Variants in ZRANB3 observed in about 807,000 individuals in gnomAD.
ZRANB3 encodes the protein DNA annealing helicase and endonuclease ZRANB3.
ZRANB3 carries 125 observed loss-of-function variants against 133.8 expected under a neutral mutation model. That is an observed-to-expected ratio of 0.93 (90% CI 0.81 to 1.08). ZRANB3 has a LOEUF of 1.08. Ranked by LOEUF, ZRANB3 falls within the 50% of genes least tolerant of loss-of-function variation. The pLI, the probability that ZRANB3 is intolerant of heterozygous loss-of-function variation, is 0.00. For synonymous variants in ZRANB3, 387 were observed against 432.7 expected (o/e 0.89, Z 1.31); for missense variants, 1,229 against 1,275.5 (o/e 0.96, Z 0.56).
intron 8 of ZRANB3, among the ~76,000 whole-genome samples, chr2:135,289,361 T>C (rs548222827): frequency 6.6e-6 from 1 of 152,258 alleles, no homozygotes; most frequent in East Asian, 1.9e-4. Context: ...GTTCAAGTGA[T>C]TCTCCTGCCT....
chr2:135,303,059 C>T (rs532803103), intron 8 of ZRANB3, among the ~76,000 whole-genome samples: 141 of 152,194 alleles, frequency 9.3e-4, no homozygotes, highest in African/African-American at 3.0e-3. Flanking sequence ...AAACAATGAA[C>T]ACTGATCTAA....
intron 2 of ZRANB3, among the ~76,000 whole-genome samples, chr2:135,400,479 G>T (rs538475615): frequency 1.8e-4 from 28 of 152,114 alleles, no homozygotes; most frequent in African/African-American, 5.5e-4. Context: ...CCAAGTAGCT[G>T]GAAATACAGG....
At chr2:135,462,406 A>G (rs1690801048) in intron 2 of ZRANB3, among the ~76,000 whole-genome samples, 1 of 152,212 alleles carries the variant, frequency 6.6e-6, no homozygotes, top group East Asian at 1.9e-4. Flanking sequence ...ATATATAAGC[A>G]CACACAGTAT....
intron 2 of ZRANB3, among the ~76,000 whole-genome samples, chr2:135,402,616 C>T (rs1184511041): frequency 6.6e-5 from 10 of 150,800 alleles, no homozygotes; most frequent in Non-Finnish European, 1.0e-4. Context: ...AAGACAGTTT[C>T]GCTCTTGTCA....
intron 12 of ZRANB3, among the ~76,000 whole-genome samples, chr2:135,264,204 G>A (rs1680107933): frequency 6.6e-6 from 1 of 151,670 alleles, no homozygotes; most frequent in Admixed American, 6.6e-5. Context: ...CGGGCGCGGT[G>A]GCTCAAGCCT....
Position 135,345,652 on chromosome 2 carries a change from G to A in ZRANB3, c.592-17C>T, listed in dbSNP as rs1276238062. 1 of 1,516,182 alleles carries A rather than the reference G, an allele frequency of 6.6e-7. No individual in the cohort carries two copies. Among genetic ancestry groups the A allele is most frequent in the Non-Finnish European group, 9.1e-7 (1 of 1,100,404 alleles). The allele number at this position is 1,516,182 out of a possible 1,614,324, so 93.9% of individuals were successfully genotyped here. A position where few individuals can be genotyped will look rare whatever the true frequency, so the allele number is the denominator to read the frequency against. On this transcript the variant is annotated splice_polypyrimidine_tract_variant and intron_variant, in intron 5 of 20. Transcript: ENST00000264159. ...CATAAAAAGCTATAATAATACAAGT[G>A]TTTGTAGTATGTTGTAATATTTTCA...
At chr2:135,488,797 TAAAAC>T (rs1345268073) in intron 2 of ZRANB3, among the ~76,000 whole-genome samples, 1 of 150,302 alleles carries the variant, frequency 6.7e-6, no homozygotes, top group East Asian at 1.9e-4. Context: ...CAAATTATAA[TAAAAC>T]AAACTATGCT....
intron 3 of ZRANB3, among the ~76,000 whole-genome samples, chr2:135,367,343 A>C (rs1388022269): frequency 6.6e-6 from 1 of 152,108 alleles, no homozygotes; most frequent in African/African-American, 2.4e-5. Flanking sequence ...TAGACAGTGG[A>C]CTGGAGGCGG....
chr2:135,434,233 G>A (rs751227216), intron 2 of ZRANB3, among the ~76,000 whole-genome samples: 2 of 152,194 alleles, frequency 1.3e-5, no homozygotes, highest in Admixed American at 1.3e-4. Flanking sequence ...GGTTGTCCCT[G>A]AGGAAATACG....
rs1240606597 is a variant in ZRANB3 at position 135,504,403 on chromosome 2, CA to C, written c.86del (p.Leu29CysfsTer5). 1 of 1,613,384 alleles carries C rather than the reference CA, an allele frequency of 6.2e-7. No homozygotes were observed. The highest frequency in any genetic ancestry group is 2.2e-5 in the East Asian group (1 of 44,776). On this transcript the variant is annotated frameshift_variant, in exon 2 of 21. Transcript: ENST00000264159. LOFTEE classifies it high-confidence loss of function. The stretch of plus-strand genomic sequence containing the variant: ...GTAGCTTTGCTCTTAGTCTGTCAGG[CA>C]AAAAATCCAGCAGATTATCAGATTC... ...TNESDNLLDF[L>X]PDRLRAKLLP...
intron 2 of ZRANB3, among the ~76,000 whole-genome samples, chr2:135,412,569 C>T (rs754755720): frequency 6.6e-6 from 1 of 151,938 alleles, no homozygotes; most frequent in Non-Finnish European, 1.5e-5. Context: ...TCTACTAGTT[C>T]CTGCAGGCAT....
At chr2:135,297,429 C>T (rs1470130979) in intron 8 of ZRANB3, among the ~76,000 whole-genome samples, 8 of 152,122 alleles carry the variant, frequency 5.3e-5, no homozygotes, top group East Asian at 1.9e-4. Context: ...ATTGGAAAAG[C>T]GCAGTATTAG....
chr2:135,522,030 T>C (rs993427280), intron 1 of ZRANB3, among the ~76,000 whole-genome samples: 3 of 152,168 alleles, frequency 2.0e-5, no homozygotes, highest in Admixed American at 1.3e-4. Context: ...CTCTGCAGCA[T>C]GCCACAGGTT....
chr2:135,334,345 G>A (rs977471327), intron 6 of ZRANB3, among the ~76,000 whole-genome samples: 1 of 152,142 alleles, frequency 6.6e-6, no homozygotes, highest in African/African-American at 2.4e-5. Context: ...AAATAGGTGA[G>A]GGTTTCTCAA....
chr2:135,482,209 T>C (rs1434518372), intron 2 of ZRANB3, among the ~76,000 whole-genome samples: 2 of 140,548 alleles, frequency 1.4e-5, no homozygotes, highest in Non-Finnish European at 3.0e-5. Context: ...CCTTGGGCAG[T>C]ATGGCGATTT....
At chr2:135,290,915 T>A (rs1681676312) in intron 8 of ZRANB3, among the ~76,000 whole-genome samples, 1 of 152,202 alleles carries the variant, frequency 6.6e-6, no homozygotes, top group Non-Finnish European at 1.5e-5. Context: ...ACTTTTCTTC[T>A]TCCTAGGGAA....
chr2:135,224,359 T>G (rs1383641644), intron 15 of ZRANB3, 67 bp downstream of exon 15: 14 of 1,228,350 alleles, frequency 1.1e-5, no homozygotes, highest in Middle Eastern at 2.0e-4. Context: ...ATTAAGTATC[T>G]CCACTGAAAA....
chr2:135,435,831 G>A (rs1205494001), intron 2 of ZRANB3, among the ~76,000 whole-genome samples: 1 of 152,004 alleles, frequency 6.6e-6, no homozygotes, highest in Non-Finnish European at 1.5e-5. Flanking sequence ...CTTTTTAATG[G>A]GGTTATTTTT....
rs753926478 is a variant in ZRANB3 at position 135,390,840 on chromosome 2, A to T, written c.162-20T>A. ...ATACACCTGGAAAAAAAAAAAAAAA[A>T]AAATTAATTATCAGAGTGAACCTTT... On this transcript the variant is annotated intron_variant, in intron 2 of 20. Transcript: ENST00000264159. The T allele has an allele frequency of 3.3e-4, 498 of 1,517,416 alleles. No individual in the cohort carries two copies. The highest frequency in any genetic ancestry group is 4.1e-4 in the Non-Finnish European group (464 of 1,138,086). The allele number at this position is 1,517,416 out of a possible 1,614,324, so 94.0% of individuals were successfully genotyped here. A position where few individuals can be genotyped will look rare whatever the true frequency, so the allele number is the denominator to read the frequency against.
Sources: allele counts gnomAD v4.1 joint callset (sites outside exome capture counted in the v4.1 genomes callset), GRCh38; gene constraint gnomAD v4.1.1; transcripts MANE v1.5; gene names NCBI Gene and HGNC (gene_info 2026-07-23, HGNC 2026-07-21).